GATAD2A: variants seen among roughly 807,000 people sequenced by gnomAD.
GATAD2A encodes the protein GATA zinc finger domain containing 2A, also known as transcriptional repressor p66-alpha.
In GATAD2A, 12 loss-of-function variants were observed where a neutral mutation model predicts 68.5. That is an observed-to-expected ratio of 0.18 (90% confidence interval 0.11 to 0.28). The LOEUF (loss-of-function observed/expected upper bound fraction) is 0.28. Among genes scored for constraint, GATAD2A ranks in the 10% least tolerant of loss-of-function variants. The pLI, the probability that GATAD2A is intolerant of heterozygous loss-of-function variation, is 1.00. For synonymous variants in GATAD2A, 410 were observed against 375.3 expected (o/e 1.09, Z -1.07); for missense variants, 755 against 868.5 (o/e 0.87, Z 1.64).
chr19:19,495,330 A>G (rs1389704057), intron 5 of GATAD2A, among the ~76,000 whole-genome samples: 2 of 151,462 alleles, frequency 1.3e-5, no homozygotes, highest in East Asian at 3.9e-4. Flanking sequence ...TCTTTTTGAG[A>G]TGGAGTCTTG....
At chr19:19,388,018 CTTTA>C (rs1239117202) in intron 1 of GATAD2A, among the ~76,000 whole-genome samples, 1 of 151,022 alleles carries the variant, frequency 6.6e-6, no homozygotes. Flanking sequence ...GGGAGAAACT[CTTTA>C]TTTATCCTTG....
intron 1 of GATAD2A, among the ~76,000 whole-genome samples, chr19:19,406,534 C>T (rs1179528070): frequency 6.6e-6 from 1 of 152,108 alleles, no homozygotes; most frequent in Non-Finnish European, 1.5e-5. Context: ...GCCGGCCCTC[C>T]CCCAGCTCGC....
Position 19,506,983 on chromosome 19 carries a change from T to A in GATAD2A, c.*1509T>A, listed in dbSNP as rs983705139. ...ATAAAGGCTCATTTAACCCCCAGGC[T>A]CCTGTCGTGTGAATATCCTCAGTCT... On this transcript the variant is annotated 3_prime_UTR_variant, in exon 12 of 12. Coordinates refer to ENST00000683918, the MANE Select transcript of GATAD2A (RefSeq NM_001384528.1). 6.6e-6 allele frequency: 1 copy of A among 152,214 alleles called. No individual in the cohort carries two copies. The highest frequency in any genetic ancestry group is 2.4e-5 in the African/African-American group (1 of 41,436). The allele number at this position is 152,214 out of a possible 1,614,324, so 9.4% of individuals were successfully genotyped here.
chr19:19,416,325 T>A (rs1317689813), intron 1 of GATAD2A, among the ~76,000 whole-genome samples: 1 of 152,136 alleles, frequency 6.6e-6, no homozygotes, highest in Non-Finnish European at 1.5e-5. Context: ...GTTAAGGAAA[T>A]TGAACATGTT....
Position 19,422,662 on chromosome 19 carries a change from G to A in GATAD2A, c.-7+16643G>A, listed in dbSNP as rs373842682. 2.6e-5 allele frequency among the ~76,000 whole-genome samples: 4 copies of A among 152,012 alleles called. No homozygotes were observed. The East Asian group carries it at 7.7e-4, about 29-fold the overall frequency. On this transcript the variant is annotated intron_variant, in intron 1 of 11. Coordinates refer to ENST00000683918, the MANE Select transcript of GATAD2A (RefSeq NM_001384528.1). ...TTGTCTGATACTATACATTGTCAAG[G>A]AGGTGTGGAGTATGTGTACAGCCTT...
At chr19:19,413,592 G>GT (rs2051223095) in intron 1 of GATAD2A, among the ~76,000 whole-genome samples, 3 of 151,862 alleles carry the variant, frequency 2.0e-5, no homozygotes, top group African/African-American at 4.8e-5. Flanking sequence ...TTTTGTTTTT[G>GT]TTTTTTTGAG....
intron 11 of GATAD2A, 139 bp from the exon 12 acceptor site, chr19:19,505,205 G>T (rs2060807971): frequency 1.4e-6 from 1 of 700,528 alleles, no homozygotes; most frequent in Non-Finnish European, 2.4e-6. Context: ...GTTGATTGAG[G>T]AGTAGTGTGG....
At chr19:19,410,818 C>T (rs1341481370) in intron 1 of GATAD2A, among the ~76,000 whole-genome samples, 1 of 152,184 alleles carries the variant, frequency 6.6e-6, no homozygotes, top group Non-Finnish European at 1.5e-5. Context: ...CACTTCCTAG[C>T]GAAAGACCTT....
intron 1 of GATAD2A, among the ~76,000 whole-genome samples, chr19:19,452,208 T>C (rs562856342): frequency 6.6e-6 from 1 of 152,250 alleles, no homozygotes; most frequent in East Asian, 1.9e-4. Context: ...TCCTACAGGG[T>C]CAGATGCTCT....
intron 2 of GATAD2A, chr19:19,472,809 G>A (rs755928839): frequency 2.6e-5 from 4 of 152,250 alleles, no homozygotes; most frequent in African/African-American, 9.7e-5. Flanking sequence ...GGATGTGTTT[G>A]TATGTGCCTT....
intron 7 of GATAD2A, among the ~76,000 whole-genome samples, chr19:19,497,084 T>C (rs1456146418): frequency 6.6e-6 from 1 of 152,102 alleles, no homozygotes; most frequent in Non-Finnish European, 1.5e-5. Flanking sequence ...CTGGATGGAG[T>C]ACAGTGGTGT....
chr19:19,488,203 C>T (rs956169133), intron 2 of GATAD2A, among the ~76,000 whole-genome samples: 1 of 152,220 alleles, frequency 6.6e-6, no homozygotes, highest in African/African-American at 2.4e-5. Flanking sequence ...GTCAGACATT[C>T]ACGGGGCCAG....
chr19:19,460,680 C>G (rs976880966), intron 1 of GATAD2A, among the ~76,000 whole-genome samples: 4 of 152,320 alleles, frequency 2.6e-5, no homozygotes, highest in African/African-American at 4.8e-5. Flanking sequence ...CCCCACTGGT[C>G]CAGTTGCTCA....
chr19:19,471,312 T>C (rs1339247300), intron 2 of GATAD2A, among the ~76,000 whole-genome samples: 1 of 151,382 alleles, frequency 6.6e-6, no homozygotes, highest in Non-Finnish European at 1.5e-5. Context: ...ACAAACCTGC[T>C]ACCTCTATAT....
intron 1 of GATAD2A, among the ~76,000 whole-genome samples, chr19:19,455,464 C>T (rs1336257774): frequency 6.6e-6 from 1 of 152,062 alleles, no homozygotes; most frequent in Non-Finnish European, 1.5e-5. Context: ...CACTCCACTC[C>T]AGCCTGGGTG....
At chr19:19,395,865 T>C (rs79880055) in intron 1 of GATAD2A, among the ~76,000 whole-genome samples, 122 of 152,342 alleles carry the variant, frequency 8.0e-4, no homozygotes, top group African/African-American at 2.8e-3. Flanking sequence ...CTTGCTGGCA[T>C]GTGACCTTAG....
At chr19:19,424,025 G>A (rs2052754478) in intron 1 of GATAD2A, among the ~76,000 whole-genome samples, 1 of 152,158 alleles carries the variant, frequency 6.6e-6, no homozygotes, top group Admixed American at 6.5e-5. Context: ...CAGGGCTCAA[G>A]TGATCCTTCC....
chr19:19,469,388 C>T (rs868686089), intron 2 of GATAD2A, among the ~76,000 whole-genome samples: 5 of 146,678 alleles, frequency 3.4e-5, no homozygotes, highest in Middle Eastern at 3.6e-3. Context: ...GCCAAGATCG[C>T]GCCACTGCAC....
At chr19:19,488,559 T>A (rs1305246116) in intron 2 of GATAD2A, among the ~76,000 whole-genome samples, 2 of 152,176 alleles carry the variant, frequency 1.3e-5, no homozygotes, top group Non-Finnish European at 2.9e-5. Flanking sequence ...AGCCATAACC[T>A]TTTGCTGTGG....
Sources: allele counts gnomAD v4.1 joint callset (sites outside exome capture counted in the v4.1 genomes callset), GRCh38; gene constraint gnomAD v4.1.1; transcripts MANE v1.5; gene names NCBI Gene and HGNC (gene_info 2026-07-23, HGNC 2026-07-21).